Variants in TRAPPC9 observed in about 807,000 individuals in gnomAD.
The protein encoded by TRAPPC9 is IKK2 binding protein.
A neutral mutation model predicts 124.0 loss-of-function variants in TRAPPC9; 83 were observed. That is an observed-to-expected ratio of 0.67 (90% confidence interval 0.56 to 0.80). TRAPPC9 has a LOEUF of 0.80. Among genes scored for constraint, TRAPPC9 ranks in the 30% least tolerant of loss-of-function variants. The pLI, the probability that TRAPPC9 is intolerant of heterozygous loss-of-function variation, is 0.00. For synonymous variants in TRAPPC9, 638 were observed against 617.5 expected (o/e 1.03, Z -0.49); for missense variants, 1,302 against 1,508.3 (o/e 0.86, Z 2.27).
At chr8:140,321,677 C>T (rs78086109) in intron 9 of TRAPPC9, among the ~76,000 whole-genome samples, 7 of 152,152 alleles carry the variant, frequency 4.6e-5, no homozygotes, top group African/African-American at 1.4e-4. Flanking sequence ...ACACTTTCAC[C>T]GCCTGCATGT....
intron 10 of TRAPPC9, 119 bp downstream of exon 10, chr8:140,311,129 G>T: frequency 1.6e-6 from 2 of 1,235,476 alleles, no homozygotes; most frequent in Non-Finnish European, 2.3e-6. Context: ...ATGAGATAAT[G>T]AACCCGATAC....
At chr8:140,188,739 T>C (rs2062407165) in intron 17 of TRAPPC9, among the ~76,000 whole-genome samples, 1 of 152,208 alleles carries the variant, frequency 6.6e-6, no homozygotes, top group Admixed American at 6.5e-5. Context: ...TCAACACCGA[T>C]GTTCCCCAGG....
At chr8:139,791,466 C>G (rs957454919) in intron 21 of TRAPPC9, among the ~76,000 whole-genome samples, 1 of 151,222 alleles carries the variant, frequency 6.6e-6, no homozygotes, top group Non-Finnish European at 1.5e-5. Context: ...ACCCGTCTCC[C>G]GTGCACAGAC....
rs5895629 is a variant in TRAPPC9, at chr8:139,971,816, T to TATAC, written c.2810+16909_2810+16910insGTAT. On this transcript the variant is annotated intron_variant, in intron 19 of 22. Transcript: ENST00000438773. ...ACATATATATATACATATATATATA[T>TATAC]ACACACACACACACAATTTTTTTTT... is the stretch of plus-strand genomic sequence containing the variant. Among the ~76,000 whole-genome samples the TATAC allele has an allele frequency of 1.4e-3, 208 of 145,846 alleles. 1 individual carries two copies. Among genetic ancestry groups the TATAC allele is most frequent in the African/African-American group, 4.6e-3 (182 of 39,516 alleles).
chr8:139,841,773 G>A (rs1202866960), intron 21 of TRAPPC9, among the ~76,000 whole-genome samples: 3 of 152,258 alleles, frequency 2.0e-5, no homozygotes, highest in African/African-American at 7.2e-5. Flanking sequence ...TCACTGGCTG[G>A]TGGGGGACCC....
chr8:139,934,538 G>A (rs1018907092), intron 19 of TRAPPC9, among the ~76,000 whole-genome samples: 6 of 152,174 alleles, frequency 3.9e-5, no homozygotes, highest in African/African-American at 1.4e-4. Flanking sequence ...TCATAGTGTA[G>A]AGAGAGTTTT....
intron 19 of TRAPPC9, chr8:139,931,549 C>T (rs1027970084): frequency 1.3e-5 from 2 of 152,194 alleles, no homozygotes; most frequent in Non-Finnish European, 2.9e-5. Flanking sequence ...AAAGCCAAGC[C>T]CAGAGGTCAC....
intron 19 of TRAPPC9, among the ~76,000 whole-genome samples, chr8:139,930,426 G>A (rs1303518628): frequency 6.6e-6 from 1 of 152,192 alleles, no homozygotes; most frequent in Non-Finnish European, 1.5e-5. Context: ...GGTGGCTCAG[G>A]ATCACAGGGA....
chr8:139,767,552 G>A (rs1390872849), intron 21 of TRAPPC9, among the ~76,000 whole-genome samples: 2 of 152,230 alleles, frequency 1.3e-5, no homozygotes, highest in Non-Finnish European at 2.9e-5. Context: ...TGTGGGGGTG[G>A]AAGGGGGAGG....
At chr8:139,995,169 T>A (rs1418564600) in intron 18 of TRAPPC9, among the ~76,000 whole-genome samples, 1 of 152,192 alleles carries the variant, frequency 6.6e-6, no homozygotes, top group Non-Finnish European at 1.5e-5. Context: ...GAACTGGCAG[T>A]GAGCTGCATC....
chr8:140,254,503 C>T (rs1036592686), intron 15 of TRAPPC9, among the ~76,000 whole-genome samples: 8 of 152,196 alleles, frequency 5.3e-5, no homozygotes, highest in Admixed American at 2.0e-4. Context: ...TGCACATGCC[C>T]TGTGCACATG....
chr8:139,936,513 G>C (rs914290969), intron 19 of TRAPPC9, among the ~76,000 whole-genome samples: 1 of 152,236 alleles, frequency 6.6e-6, no homozygotes, highest in Non-Finnish European at 1.5e-5. Flanking sequence ...AAGTCACTCG[G>C]CTTAGAGCCT....
At chr8:139,798,162 T>C (rs750760053) in intron 21 of TRAPPC9, among the ~76,000 whole-genome samples, 1 of 152,252 alleles carries the variant, frequency 6.6e-6, no homozygotes, top group Non-Finnish European at 1.5e-5. Flanking sequence ...TTGGGTTTTT[T>C]AAAATGTCTT....
intron 17 of TRAPPC9, among the ~76,000 whole-genome samples, chr8:140,135,148 T>C (rs527626712): frequency 6.6e-6 from 1 of 152,228 alleles, no homozygotes; most frequent in Admixed American, 6.5e-5. Context: ...TGGCAGTAAT[T>C]AGAGAAACAG....
chr8:140,337,224 C>G (rs2067067044), intron 9 of TRAPPC9, among the ~76,000 whole-genome samples: 1 of 152,196 alleles, frequency 6.6e-6, no homozygotes, highest in Non-Finnish European at 1.5e-5. Flanking sequence ...AATGATCCCT[C>G]TAACCATGAT....
intron 17 of TRAPPC9, among the ~76,000 whole-genome samples, chr8:140,109,984 C>T (rs1321082435): frequency 6.6e-6 from 1 of 152,104 alleles, no homozygotes; most frequent in East Asian, 1.9e-4. Context: ...TGCTTATACC[C>T]TCTGCTGTGT....
At position 140,171,902 on chromosome 8, in the gene TRAPPC9, G is replaced by C. The variant is rs901570518; in HGVS notation, c.2556+49557C>G. ...CGAGGGTGCTAGGGGTCACCATTCG[G>C]AACATAAGGGCTCTGTCTTGAGGAG... On this transcript the variant is annotated intron_variant, in intron 17 of 22. Coordinates refer to ENST00000438773, the MANE Select transcript of TRAPPC9 (RefSeq NM_001160372.4). Among the ~76,000 whole-genome samples the C allele has an allele frequency of 3.3e-5, 5 of 152,204 alleles. No individual in the cohort carries two copies. The East Asian group carries it at 9.6e-4, about 29-fold the overall frequency.
intron 19 of TRAPPC9, among the ~76,000 whole-genome samples, chr8:139,972,923 T>C (rs888668411): frequency 1.4e-4 from 22 of 152,278 alleles, no homozygotes; most frequent in Middle Eastern, 3.4e-3. Context: ...GCTCCCCTTG[T>C]CCAGGGGCTC....
chr8:139,942,237 G>A (rs1287420299), intron 19 of TRAPPC9, among the ~76,000 whole-genome samples: 1 of 152,194 alleles, frequency 6.6e-6, no homozygotes, highest in Non-Finnish European at 1.5e-5. Flanking sequence ...CGCCTGCTGA[G>A]CACGAGGGTT....
Sources: gnomAD v4.1 joint callset for allele counts (sites outside exome capture counted in the v4.1 genomes callset) on GRCh38, gnomAD v4.1.1 for gene constraint, MANE v1.5 for transcripts, NCBI Gene and HGNC (gene_info 2026-07-23, HGNC 2026-07-21) for gene names.